WNT7A: variants seen among roughly 807,000 people sequenced by gnomAD.
WNT7A encodes protein Wnt-7a.
In WNT7A, 16 loss-of-function variants were observed where a neutral mutation model predicts 28.2. The observed-to-expected ratio is 0.57, with a 90% CI of 0.38 to 0.86. The LOEUF (loss-of-function observed/expected upper bound fraction) is 0.86, where lower values mean the gene tolerates loss of function less well. Among genes scored for constraint, WNT7A ranks in the 40% least tolerant of loss-of-function variants. The pLI is 0.00. For missense variants in WNT7A, 411 were observed against 489.7 expected, an observed-to-expected ratio of 0.84 and a Z score of 1.52; for synonymous variants, 190 against 195.9, an observed-to-expected ratio of 0.97 and a Z score of 0.25.
In WNT7A at chr3:13,818,567, A is replaced by G. The variant is rs1405226657; in HGVS notation, c.*377T>C. 1 of 153,384 alleles carries G rather than the reference A, an allele frequency of 6.5e-6. No individual in the cohort carries two copies. Among genetic ancestry groups the G allele is most frequent in the Non-Finnish European group, 1.5e-5 (1 of 68,824 alleles). 9.5% of individuals were successfully genotyped at this position (153,384 alleles called of 1,614,324 possible). A position where few individuals can be genotyped will look rare whatever the true frequency, so the allele number is the denominator to read the frequency against. ...AGCAAGCAGTCCACTTTGATTGCAGAAAACGGATCCCGACGAGGTGGAAGA... is the reference window on the plus strand; with the variant it reads ...AGCAAGCAGTCCACTTTGATTGCAGGAAACGGATCCCGACGAGGTGGAAGA... On this transcript the variant is annotated 3_prime_UTR_variant, in exon 4 of 4. Transcript: ENST00000285018.
At position 13,877,440 on chromosome 3, in the gene WNT7A, C is replaced by T. The variant is rs182558089; in HGVS notation, c.72-2267G>A. Among the ~76,000 whole-genome samples the T allele has an allele frequency of 2.5e-4, 38 of 152,334 alleles. No homozygotes were observed. The East Asian group carries it at 2.7e-3, about 11-fold the overall frequency. ...GCAGCATGAGAAGATTAAGTGGAGA[C>T]GTTTTGGCATCATTTGTCAGGAGGA... On this transcript the variant is annotated intron_variant, in intron 1 of 3. Transcript: ENST00000285018.
chr3:13,828,078 C>A (rs1694225015), intron 3 of WNT7A, among the ~76,000 whole-genome samples: 1 of 152,202 alleles, frequency 6.6e-6, no homozygotes, highest in Non-Finnish European at 1.5e-5. Flanking sequence ...TCAATGAGGC[C>A]TTTCCTAGCC....
At chr3:13,852,011 T>G (rs1694646922) in intron 3 of WNT7A, among the ~76,000 whole-genome samples, 3 of 152,284 alleles carry the variant, frequency 2.0e-5, no homozygotes, top group Admixed American at 1.3e-4. Context: ...GGGGATGCCC[T>G]GCAGCTTCCT....
intron 3 of WNT7A, among the ~76,000 whole-genome samples, chr3:13,819,631 C>T (rs1694079998): frequency 6.6e-6 from 1 of 152,158 alleles, no homozygotes; most frequent in African/African-American, 2.4e-5. Flanking sequence ...GCCCTCTGTG[C>T]AGCAGTTTCC....
At chr3:13,856,667 A>G (rs1339086405) in intron 2 of WNT7A, among the ~76,000 whole-genome samples, 1 of 151,952 alleles carries the variant, frequency 6.6e-6, no homozygotes, top group Admixed American at 6.6e-5. Flanking sequence ...AAAATACAAA[A>G]ATTAGCTGGG....
At chr3:13,859,511 GAGA>G (rs1694795910) in intron 2 of WNT7A, among the ~76,000 whole-genome samples, 2 of 152,198 alleles carry the variant, frequency 1.3e-5, no homozygotes, top group African/African-American at 2.4e-5. Flanking sequence ...GGGTGGTACA[GAGA>G]AGAACTTGCC....
At chr3:13,823,465 G>A (rs563346843) in intron 3 of WNT7A, among the ~76,000 whole-genome samples, 13 of 152,310 alleles carry the variant, frequency 8.5e-5, no homozygotes, top group Non-Finnish European at 1.9e-4. Flanking sequence ...TCAGTTGAAT[G>A]TTCAGGGTCC....
chr3:13,863,060 A>G (rs1030741882), intron 2 of WNT7A, among the ~76,000 whole-genome samples: 5 of 152,210 alleles, frequency 3.3e-5, no homozygotes, highest in African/African-American at 1.2e-4. Context: ...TAAAGTGGGA[A>G]TACAAAATGT....
rs111064678 is a variant in WNT7A, at chr3:13,869,447, A to G, written c.298+5500T>C. 6.4e-3 allele frequency among the ~76,000 whole-genome samples: 584 copies of G among 90,886 alleles called. 7 individuals carry two copies. Among genetic ancestry groups the G allele is most frequent in the African/African-American group, 0.023 (541 of 23,874 alleles). 59.6% of individuals were successfully genotyped at this position (90,886 alleles called of 152,430 possible). A position where few individuals can be genotyped will look rare whatever the true frequency, so the allele number is the denominator to read the frequency against. ...CAAAGAAAAGAAGAAAGAAAAGAAAAAGAAAGAAAGACAGAAAGAAAGAAA... is the reference window on the plus strand; with the variant it reads ...CAAAGAAAAGAAGAAAGAAAAGAAAGAGAAAGAAAGACAGAAAGAAAGAAA... On this transcript the variant is annotated intron_variant, in intron 2 of 3. Transcript: ENST00000285018.
chr3:13,835,181 G>A (rs1694346358), intron 3 of WNT7A, among the ~76,000 whole-genome samples: 1 of 152,234 alleles, frequency 6.6e-6, no homozygotes, highest in Non-Finnish European at 1.5e-5. Context: ...GAGGGCCGGC[G>A]GGGTCTTTGT....
intron 3 of WNT7A, among the ~76,000 whole-genome samples, chr3:13,838,080 C>T (rs1241158997): frequency 6.6e-6 from 1 of 152,238 alleles, no homozygotes; most frequent in East Asian, 1.9e-4. Context: ...TGGAAATACA[C>T]CCCGGTTATC....
Position 13,816,870 on chromosome 3 carries a change from C to T in WNT7A, c.*2074G>A, listed in dbSNP as rs1218415188. On this transcript the variant is annotated 3_prime_UTR_variant, in exon 4 of 4. Transcript: ENST00000285018. ...CCATTCACCTACCTACCTACTCACA[C>T]ATTCATCCATCCCTCCATCCATTCA... is the stretch of plus-strand genomic sequence containing the variant. 3 of 152,424 alleles carry T rather than the reference C, an allele frequency of 2.0e-5. No homozygotes were observed. The highest frequency in any genetic ancestry group is 7.2e-5 in the African/African-American group (3 of 41,436). The allele number at this position is 152,424 out of a possible 1,614,324, so 9.4% of individuals were successfully genotyped here. A position where few individuals can be genotyped will look rare whatever the true frequency, so the allele number is the denominator to read the frequency against.
rs564463651 is a variant in WNT7A, at chr3:13,875,289, A to G, written c.72-116T>C. On this transcript the variant is annotated intron_variant, in intron 1 of 3. Transcript: ENST00000285018. ...CACTGCCCCCAGCAGTGGTCTCCCA[A>G]CTTTTTTGATCCTGCACCCCTAACT... 38 of 1,006,636 alleles carry G rather than the reference A, an allele frequency of 3.8e-5. No individual in the cohort carries two copies. The East Asian group carries it at 9.8e-4, about 26-fold the overall frequency. The allele number at this position is 1,006,636 out of a possible 1,614,324, so 62.4% of individuals were successfully genotyped here. A position where few individuals can be genotyped will look rare whatever the true frequency, so the allele number is the denominator to read the frequency against.
At chr3:13,822,662 T>C (rs1184445325) in intron 3 of WNT7A, among the ~76,000 whole-genome samples, 2 of 152,238 alleles carry the variant, frequency 1.3e-5, no homozygotes, top group Non-Finnish European at 2.9e-5. Context: ...TCTGTGAATA[T>C]ATATTAAAAG....
chr3:13,847,876 TG>T (rs1694566065), intron 3 of WNT7A, among the ~76,000 whole-genome samples: 1 of 152,116 alleles, frequency 6.6e-6, no homozygotes, highest in African/African-American at 2.4e-5. Context: ...GGTAAAGTTC[TG>T]GAGATGGAAA....
At chr3:13,851,593 G>T (rs1694638857) in intron 3 of WNT7A, among the ~76,000 whole-genome samples, 2 of 152,168 alleles carry the variant, frequency 1.3e-5, no homozygotes, top group Admixed American at 1.3e-4. Flanking sequence ...GTGTAGCCCT[G>T]AATCACAATT....
chr3:13,874,658 A>G (rs1695076491), intron 2 of WNT7A, among the ~76,000 whole-genome samples: 1 of 152,194 alleles, frequency 6.6e-6, no homozygotes, highest in Non-Finnish European at 1.5e-5. Context: ...CAAATTTTAA[A>G]ATTTGGGCTT....
At chr3:13,837,538 G>GTGAA (rs59047870) in intron 3 of WNT7A, among the ~76,000 whole-genome samples, 65,853 of 149,754 alleles carry the variant, frequency 0.44, 14,939 homozygotes, top group East Asian at 0.74. Context: ...TTCTGGGTGA[G>GTGAA]TGAATGAATG....
rs1553578605 is a variant in WNT7A at position 13,879,999 on chromosome 3, C to G, written c.-183G>C. 2.5e-6 allele frequency: 1 copy of G among 400,974 alleles called. No individual in the cohort carries two copies. The highest frequency in any genetic ancestry group is 4.3e-6 in the Non-Finnish European group (1 of 233,024). 24.8% of individuals were successfully genotyped at this position (400,974 alleles called of 1,614,324 possible). ...CGCCAGGAGCACGGGAGCCACGGAG[C>G]GGGAGGAGGGAGGGAGGAGCGAGCG... On this transcript the variant is annotated 5_prime_UTR_variant, in exon 1 of 4. Transcript: ENST00000285018.
Sources: allele counts gnomAD v4.1 joint callset (sites outside exome capture counted in the v4.1 genomes callset), GRCh38; gene constraint gnomAD v4.1.1; transcripts MANE v1.5; gene names NCBI Gene and HGNC (gene_info 2026-07-23, HGNC 2026-07-21).